RPL3: variants seen among roughly 807,000 people sequenced by gnomAD.
RPL3 encodes the protein large ribosomal subunit protein uL3.
A neutral mutation model predicts 46.0 loss-of-function variants in RPL3; 3 were observed. The ratio of observed to expected loss-of-function variants is 0.07; its 90% confidence interval spans 0.03 to 0.17. The LOEUF is 0.17. Among genes scored for constraint, RPL3 ranks in the 10% least tolerant of loss-of-function variants. The pLI, the probability that RPL3 is intolerant of heterozygous loss-of-function variation, is 1.00. For synonymous variants in RPL3, 224 were observed against 190.8 expected, an observed-to-expected ratio of 1.17 and a Z score of -1.43; for missense variants, 387 against 532.7, an observed-to-expected ratio of 0.73 and a Z score of 2.69.
At chr22:39,313,362 TCAGCACTGTTCA>T in intron 8 of RPL3, 52 bp from the exon 9 acceptor site, 1 of 1,607,708 alleles carries the variant, frequency 6.2e-7, no homozygotes, top group Non-Finnish European at 8.5e-7. Context: ...CAGGCTTTCC[TCAGCACTGTTCA>T]CAGCGCCCCT....
At position 39,319,598 on chromosome 22, in the gene RPL3, C is replaced by A. The variant is rs761596467; in HGVS notation, c.-1G>T. 3 of 1,555,834 alleles carry A rather than the reference C, an allele frequency of 1.9e-6. No individual in the cohort carries two copies. Among genetic ancestry groups the A allele is most frequent in the Non-Finnish European group, 2.6e-6 (3 of 1,147,068 alleles). Reference sequence around the variant, plus strand: ...CGGCCGCCATTACAACACATACCATCACGCCATCAAATCCCGCCGGTAGAG... The same window carrying A: ...CGGCCGCCATTACAACACATACCATAACGCCATCAAATCCCGCCGGTAGAG... On this transcript the variant is annotated 5_prime_UTR_variant, in exon 1 of 10. Coordinates refer to ENST00000216146, the MANE Select transcript of RPL3 (RefSeq NM_000967.4).
chr22:39,318,382 T>C lies in RPL3; in HGVS notation c.196+18A>G, dbSNP rs753545141. 19 of 1,607,494 alleles carry C rather than the reference T, an allele frequency of 1.2e-5. No homozygotes were observed. The highest frequency in any genetic ancestry group is 2.7e-5 in the African/African-American group (2 of 74,652). ...CCTCCACTCCTATTCCCCCAACTTT[T>C]AGGATGTCTGTACATACTGGATCCC... On this transcript the variant is annotated intron_variant, in intron 2 of 9. Coordinates refer to ENST00000216146, the MANE Select transcript of RPL3 (RefSeq NM_000967.4).
intron 1 of RPL3, 145 bp downstream of exon 1, chr22:39,319,450 T>C (rs780352643): frequency 4.4e-6 from 5 of 1,137,520 alleles, no homozygotes; most frequent in African/African-American, 1.5e-5. Flanking sequence ...TTCCAGAAAA[T>C]AGGCCAGACT....
chr22:39,315,185 C>T lies in RPL3; in HGVS notation c.688+184G>A, dbSNP rs759903407. ...GTTAAGAAGTTGTCCCCTGGCCCTCCGCTATCCCAGCCACTTCTGACCACA... is the reference window on the plus strand; with the variant it reads ...GTTAAGAAGTTGTCCCCTGGCCCTCTGCTATCCCAGCCACTTCTGACCACA... On this transcript the variant is annotated intron_variant, in intron 5 of 9. Transcript: ENST00000216146. 9 of 953,546 alleles carry T rather than the reference C, an allele frequency of 9.4e-6. No homozygotes were observed. In the East Asian group the frequency reaches 9.5e-5, roughly 10 times the overall value. 59.1% of individuals were successfully genotyped at this position (953,546 alleles called of 1,614,324 possible).
rs187077849 is a variant in RPL3 at position 39,316,736 on chromosome 22, G to A, written c.471C>T (p.Cys157=). 5.0e-6 allele frequency: 8 copies of A among 1,612,782 alleles called. No homozygotes were observed. The East Asian group carries it at 1.3e-4, about 27-fold the overall frequency. ...TGTGGGCAATGACACGGATGACTTG[G>A]CAGTACTTCTTCATGCTGCTGAAGT... ...EKDFSSMKKY[C]QVIRVIAHTQ... is the part of the protein sequence containing the mutation. Residue 157 remains cysteine, a synonymous_variant, in exon 4 of 10, where the codon TGC becomes TGT. Transcript: ENST00000216146.
chr22:39,313,337 A>AG (rs776713330), intron 8 of RPL3, 27 bp from the exon 9 acceptor site: 1 of 1,613,516 alleles, frequency 6.2e-7, no homozygotes, highest in African/African-American at 1.3e-5. Context: ...GAAGGGATTT[A>AG]GGATTACGAG....
Position 39,314,111 on chromosome 22 carries a change from G to A in RPL3, c.947C>T (p.Pro316Leu), listed in dbSNP as rs748437734. 8 of 1,612,686 alleles carry A rather than the reference G, an allele frequency of 5.0e-6. No homozygotes were observed. Among genetic ancestry groups the A allele is most frequent in the Non-Finnish European group, 5.9e-6 (7 of 1,179,842 alleles). Reference protein sequence around the residue: ...DYDLSDKSINPLGGFVHYGEV... With the variant: ...DYDLSDKSINLLGGFVHYGEV... ...AGCAGAACACCCATTACTTACCAGA[G>A]GGTTGATGCTCTTGTCAGATAGGTC... Residue 316 changes from proline to leucine, a missense_variant, in exon 7 of 10, where the codon CCT becomes CTT. Transcript: ENST00000216146.
chr22:39,316,925 C>T, intron 3 of RPL3, 84 bp from the exon 4 acceptor site: 1 of 1,604,088 alleles, frequency 6.2e-7, no homozygotes, highest in Non-Finnish European at 8.5e-7. Context: ...GGCACACTGG[C>T]ACCGCGTGGG....
chr22:39,314,008 C>G, intron 7 of RPL3, 99 bp downstream of exon 7: 5 of 1,008,244 alleles, frequency 5.0e-6, no homozygotes. Flanking sequence ...GTTGTGTTGG[C>G]TTCAGTTAAC....
At chr22:39,315,002 A>G in intron 5 of RPL3, 156 bp from the exon 6 acceptor site, 1 of 1,091,152 alleles carries the variant, frequency 9.2e-7, no homozygotes, top group Non-Finnish European at 1.3e-6. Context: ...CAAGCTGGAT[A>G]GGCTCTGGGG....
At chr22:39,318,077 G>A in intron 2 of RPL3, 1 of 373,850 alleles carries the variant, frequency 2.7e-6, no homozygotes, top group Non-Finnish European at 4.9e-6. Context: ...AAACATGAAT[G>A]AGGCAGTTCT....
In RPL3 at chr22:39,319,588, C is replaced by T. The variant is rs200650933; in HGVS notation, c.3+7G>A. On this transcript the variant is annotated splice_region_variant and intron_variant, in intron 1 of 9. Coordinates refer to ENST00000216146, the MANE Select transcript of RPL3 (RefSeq NM_000967.4). ...GACAATGAAACGGCCGCCATTACAA[C>T]ACATACCATCACGCCATCAAATCCC... The T allele has an allele frequency of 1.3e-5, 21 of 1,563,880 alleles. No individual in the cohort carries two copies. Among genetic ancestry groups the T allele is most frequent in the Admixed American group, 1.9e-5 (1 of 53,646 alleles).
In RPL3 at chr22:39,318,178, T is replaced by A. The variant is rs1019837808; in HGVS notation, c.196+222A>T. 1.3e-5 allele frequency: 7 copies of A among 528,796 alleles called. No homozygotes were observed. The African/African-American group carries it at 1.4e-4, about 10-fold the overall frequency. The allele number at this position is 528,796 out of a possible 1,614,324, so 32.8% of individuals were successfully genotyped here. Reference sequence around the variant, plus strand: ...CAAATTTACTATGCTCTGAAATCAATACCCCACACCGCACCTAAAGCAAAC... The same window carrying A: ...CAAATTTACTATGCTCTGAAATCAAAACCCCACACCGCACCTAAAGCAAAC... On this transcript the variant is annotated intron_variant, in intron 2 of 9. Coordinates refer to ENST00000216146, the MANE Select transcript of RPL3 (RefSeq NM_000967.4).
Position 39,314,803 on chromosome 22 carries a change from G to C in RPL3, c.732C>G (p.Thr244=). 6.2e-7 allele frequency: 1 copy of C among 1,613,776 alleles called. No homozygotes were observed. Among genetic ancestry groups the C allele is most frequent in the South Asian group, 1.1e-5 (1 of 91,054 alleles). ...AGGCCACCTTGCGCAGGCCTCGGTGGGTCTTGCGGGGCAGCTTCTTGGTGT... is the reference window on the plus strand; with the variant it reads ...AGGCCACCTTGCGCAGGCCTCGGTGCGTCTTGCGGGGCAGCTTCTTGGTGT... ...RWHTKKLPRK[T]HRGLRKVACI... Residue 244 remains threonine, a synonymous_variant, in exon 6 of 10, where the codon ACC becomes ACG. Coordinates refer to ENST00000216146, the MANE Select transcript of RPL3 (RefSeq NM_000967.4).
intron 3 of RPL3, 52 bp from the exon 4 acceptor site, chr22:39,316,893 C>A (rs1922731547): frequency 6.2e-7 from 1 of 1,612,894 alleles, no homozygotes; most frequent in Non-Finnish European, 8.5e-7. Context: ...GCCTTCATCA[C>A]CCCTCCGAGG....
chr22:39,314,695 G>A lies in RPL3; in HGVS notation c.840C>T (p.Ile280=). Residue 280 remains isoleucine, a synonymous_variant, in exon 6 of 10, where the codon ATC becomes ATT. Transcript: ENST00000216146. Reference sequence around the variant, plus strand: ...ACTCTCAGAACCTCACCTTCTTGTTGATCTCAGTGCGGTGATGGTAGCCTT... The same window carrying A: ...ACTCTCAGAACCTCACCTTCTTGTTAATCTCAGTGCGGTGATGGTAGCCTT... ...GQKGYHHRTE[I]NKKIYKIGQG... The A allele has an allele frequency of 6.2e-7, 1 of 1,612,572 alleles. No homozygotes were observed. Among genetic ancestry groups the A allele is most frequent in the Non-Finnish European group, 8.5e-7 (1 of 1,179,504 alleles).
chr22:39,315,081 A>G (rs1922595675), intron 5 of RPL3: 1 of 698,980 alleles, frequency 1.4e-6, no homozygotes, highest in Non-Finnish European at 2.5e-6. Flanking sequence ...TCCCCCATTC[A>G]CAGGGACTGA....
intron 7 of RPL3, 144 bp from the exon 8 acceptor site, chr22:39,313,873 T>C (rs1922513997): frequency 1.1e-6 from 1 of 905,808 alleles, no homozygotes; most frequent in South Asian, 1.3e-5. Context: ...TCTCGGGCGC[T>C]GTGCCCAGCG....
intron 2 of RPL3, 100 bp downstream of exon 2, chr22:39,318,298 TAA>T (rs200859496): frequency 3.5e-5 from 40 of 1,132,330 alleles, no homozygotes; most frequent in African/African-American, 9.5e-5. Flanking sequence ...AACTCCTGCT[TAA>T]AAAAAAAAGT....
Sources: gnomAD v4.1 joint callset for allele counts on GRCh38, gnomAD v4.1.1 for gene constraint, MANE v1.5 for transcripts, NCBI Gene and HGNC (gene_info 2026-07-23, HGNC 2026-07-21) for gene names.